Variants in UNC79 observed in about 807,000 individuals in gnomAD.
UNC79 encodes the protein unc-79 subunit of NALCN channel complex.
Under a neutral mutation model 283.1 loss-of-function variants are expected in UNC79, and 37 were observed. That is an observed-to-expected ratio of 0.13 (90% CI 0.10 to 0.17). The LOEUF is 0.17. Among genes scored for constraint, UNC79 ranks in the 10% least tolerant of loss-of-function variants. The pLI, the probability that UNC79 is intolerant of heterozygous loss-of-function variation, is 1.00. For missense variants in UNC79, 2,272 were observed against 3,211.1 expected, an observed-to-expected ratio of 0.71 and a Z score of 7.07; for synonymous variants, 1,107 against 1,200.2, an observed-to-expected ratio of 0.92 and a Z score of 1.61.
At chr14:93,575,261 T>C in intron 17 of UNC79, 63 bp downstream of exon 17, 1 of 1,605,738 alleles carries the variant, frequency 6.2e-7, no homozygotes, top group East Asian at 2.2e-5. Flanking sequence ...TTGTCAGTTA[T>C]CCTACGCCTG....
At chr14:93,454,844 A>G (rs999922553) in intron 1 of UNC79, among the ~76,000 whole-genome samples, 4 of 152,152 alleles carry the variant, frequency 2.6e-5, no homozygotes, top group Non-Finnish European at 5.9e-5. Context: ...TCTAGACTGG[A>G]CATTTTGCTT....
At chr14:93,616,394 G>T (rs576769554) in intron 27 of UNC79, among the ~76,000 whole-genome samples, 43 of 128,418 alleles carry the variant, frequency 3.3e-4, no homozygotes, top group Non-Finnish European at 6.6e-4. Flanking sequence ...TTGAGACAGG[G>T]TCTCACTCTG....
intron 40 of UNC79, among the ~76,000 whole-genome samples, chr14:93,665,732 A>C (rs906639441): frequency 6.6e-6 from 1 of 152,068 alleles, no homozygotes; most frequent in African/African-American, 2.4e-5. Flanking sequence ...AAAGTCTTTA[A>C]AATGATAAGA....
At chr14:93,510,819 C>T (rs2059785706) in intron 7 of UNC79, among the ~76,000 whole-genome samples, 1 of 152,172 alleles carries the variant, frequency 6.6e-6, no homozygotes, top group African/African-American at 2.4e-5. Flanking sequence ...CCAACTGTTC[C>T]AACCTTTGCC....
At chr14:93,365,985 C>T (rs972976219) in intron 1 of UNC79, among the ~76,000 whole-genome samples, 1 of 151,982 alleles carries the variant, frequency 6.6e-6, no homozygotes, top group African/African-American at 2.4e-5. Context: ...GAGAAAATTC[C>T]AAAAGCTTTC....
chr14:93,686,746 C>A, intron 43 of UNC79, 85 bp downstream of exon 46: 1 of 1,480,804 alleles, frequency 6.8e-7, no homozygotes. Flanking sequence ...GGGAACTTAT[C>A]GCTACCTGGG....
Position 93,638,683 on chromosome 14 carries a change from C to T in UNC79, c.5800+1384C>T, listed in dbSNP as rs143572080. On this transcript the variant is annotated intron_variant, in intron 32 of 48. Coordinates refer to ENST00000555664, the Ensembl canonical transcript of UNC79. Reference sequence around the variant, plus strand: ...TGTTTCTGCTGCTAGCTCAGTGTAGCGTGCACTTCAGCTATTCAGAAGGGG... The same window carrying T: ...TGTTTCTGCTGCTAGCTCAGTGTAGTGTGCACTTCAGCTATTCAGAAGGGG... 6.2e-3 allele frequency among the ~76,000 whole-genome samples: 937 copies of T among 152,308 alleles called. 6 individuals are homozygous for T. The highest frequency in any genetic ancestry group is 0.041 in the Middle Eastern group (12 of 294).
exon 18 of UNC79, chr14:93,577,919 G>A (rs140433326): frequency 6.2e-5 from 100 of 1,614,032 alleles, no homozygotes; most frequent in Non-Finnish European, 4.6e-5. Context: ...TCCAGAGTCC[G>A]TTTCGGAGTC....
chr14:93,626,818 A>G (rs1360868617), intron 30 of UNC79, among the ~76,000 whole-genome samples: 1 of 152,248 alleles, frequency 6.6e-6, no homozygotes, highest in Non-Finnish European at 1.5e-5. Flanking sequence ...TGGAAGAGAC[A>G]AACGTTAGTA....
chr14:93,634,609 C>T (rs1447293781), intron 31 of UNC79: 3 of 1,613,894 alleles, frequency 1.9e-6, no homozygotes, highest in Non-Finnish European at 2.5e-6. Context: ...AGTCTAGCGC[C>T]CCCCATAACA....
At chr14:93,669,699 A>G (rs1158114647) in intron 40 of UNC79, among the ~76,000 whole-genome samples, 1 of 152,158 alleles carries the variant, frequency 6.6e-6, no homozygotes, top group South Asian at 2.1e-4. Context: ...TTTTAAAAAA[A>G]TTAGCTGGGC....
chr14:93,504,819 C>G (rs1315516674), intron 7 of UNC79, among the ~76,000 whole-genome samples: 1 of 151,948 alleles, frequency 6.6e-6, no homozygotes, highest in African/African-American at 2.4e-5. Context: ...TTTAATATCT[C>G]TTTCTCAATC....
chr14:93,459,590 G>C (rs2056889184), intron 1 of UNC79, among the ~76,000 whole-genome samples: 1 of 151,556 alleles, frequency 6.6e-6, no homozygotes, highest in Admixed American at 6.6e-5. Flanking sequence ...ATGGCTTGCA[G>C]CCTGTTAAAC....
chr14:93,371,631 G>A (rs1357187697), intron 1 of UNC79, among the ~76,000 whole-genome samples: 1 of 152,044 alleles, frequency 6.6e-6, no homozygotes, highest in Non-Finnish European at 1.5e-5. Context: ...ACGAGGTCAG[G>A]AGATCGAGAC....
chr14:93,621,895 G>A lies in UNC79; in HGVS notation c.4662G>A (p.Thr1554=), dbSNP rs755571282. The change falls in exon 30 of 49, where the codon ACG becomes ACA. Residue 1554 remains threonine (T), a synonymous_variant. Transcript: ENST00000555664. The surrounding 1 kb of genome is among the most constrained non-coding windows in gnomAD (Gnocchi z 4.8). The stretch of plus-strand genomic sequence containing the variant: ...GACGTTCTAGACAGAACTCTGCTAC[G>A]AGGCCTGACAATAGTGAAATCCCCG... The A allele has an allele frequency of 1.3e-5, 21 of 1,613,890 alleles. No individual in the cohort carries two copies. Among genetic ancestry groups the A allele is most frequent in the East Asian group, 2.2e-5 (1 of 44,878 alleles).
intron 7 of UNC79, among the ~76,000 whole-genome samples, chr14:93,517,212 C>T (rs2060105675): frequency 1.3e-5 from 2 of 149,696 alleles, no homozygotes; most frequent in South Asian, 2.1e-4. Flanking sequence ...TCCCTTTCTC[C>T]ATCCCTCCCT....
chr14:93,542,379 T>G, intron 13 of UNC79, 87 bp from the exon 14 acceptor site: 4 of 1,319,440 alleles, frequency 3.0e-6, no homozygotes, highest in Non-Finnish European at 4.2e-6. Flanking sequence ...TATCTTTTTA[T>G]TTTTATTTTT....
chr14:93,541,734 G>A (rs9989178), intron 13 of UNC79, among the ~76,000 whole-genome samples: 88,840 of 152,022 alleles, frequency 0.58, 26,690 homozygotes, highest in Admixed American at 0.67. Flanking sequence ...GGCCGGGAGC[G>A]GTGGCTCACG....
At chr14:93,464,882 T>C (rs1356845833) in intron 1 of UNC79, among the ~76,000 whole-genome samples, 1 of 152,192 alleles carries the variant, frequency 6.6e-6, no homozygotes, top group Non-Finnish European at 1.5e-5. Context: ...AAAATTGAAC[T>C]GTAAATGAGT....
Sources: gnomAD v4.1 joint callset for allele counts (sites outside exome capture counted in the v4.1 genomes callset) on GRCh38, gnomAD v4.1.1 for gene constraint, Gnocchi (gnomAD v3.1) non-coding constraint, MANE v1.5 for transcripts, NCBI Gene and HGNC (gene_info 2026-07-23, HGNC 2026-07-21) for gene names.